Variants in RFX3 observed in about 807,000 individuals in gnomAD.
The protein encoded by RFX3 is regulatory factor X3, also known as transcription factor RFX3.
In RFX3, 14 loss-of-function variants were observed where a neutral mutation model predicts 98.6. That is an observed-to-expected ratio of 0.14 (90% confidence interval 0.09 to 0.22). The LOEUF (loss-of-function observed/expected upper bound fraction) is 0.22. Ranked by LOEUF, RFX3 falls within the 10% of genes least tolerant of loss-of-function variation. The probability of loss-of-function intolerance (pLI) is 1.00; values close to 1 mark genes in which losing one functional copy is unlikely to be tolerated. For missense variants in RFX3, 639 were observed against 926.9 expected (o/e 0.69, Z 4.03); for synonymous variants, 383 against 328.4 (o/e 1.17, Z -1.80).
intron 5 of RFX3, among the ~76,000 whole-genome samples, chr9:3,299,342 A>AAG (rs1303311176): frequency 6.6e-6 from 1 of 151,762 alleles, no homozygotes; most frequent in African/African-American, 2.4e-5. Flanking sequence ...AGGGAGGAAA[A>AAG]AGACAACAGG....
At chr9:3,236,232 T>G (rs1819137298) in intron 15 of RFX3, among the ~76,000 whole-genome samples, 1 of 152,204 alleles carries the variant, frequency 6.6e-6, no homozygotes, top group South Asian at 2.1e-4. Context: ...GGTCTGAAAG[T>G]GTTTACAGCA....
At chr9:3,390,908 T>C (rs1840247688) in intron 2 of RFX3, among the ~76,000 whole-genome samples, 1 of 152,188 alleles carries the variant, frequency 6.6e-6, no homozygotes, top group Admixed American at 6.5e-5. Context: ...TCTAGTATAT[T>C]AGGTTGGTGC....
intron 15 of RFX3, among the ~76,000 whole-genome samples, chr9:3,241,410 G>C (rs1819904679): frequency 6.6e-6 from 1 of 152,166 alleles, no homozygotes; most frequent in Admixed American, 6.5e-5. Flanking sequence ...AAGAGGATGA[G>C]AGGAGAGGTT....
At chr9:3,504,398 T>C (rs1053062560) in intron 1 of RFX3, among the ~76,000 whole-genome samples, 21 of 134,408 alleles carry the variant, frequency 1.6e-4, no homozygotes, top group South Asian at 7.4e-4. Flanking sequence ...GCATATATTG[T>C]ATATAAAATA....
chr9:3,286,075 A>C (rs1370580381), intron 7 of RFX3, among the ~76,000 whole-genome samples: 1 of 151,826 alleles, frequency 6.6e-6, no homozygotes, highest in African/African-American at 2.4e-5. Context: ...CTTAGGTATA[A>C]TTTATTAAGT....
At chr9:3,291,530 A>G (rs1369987026) in intron 6 of RFX3, among the ~76,000 whole-genome samples, 1 of 152,162 alleles carries the variant, frequency 6.6e-6, no homozygotes, top group East Asian at 1.9e-4. Context: ...GTTTCTCCAG[A>G]ACTATCCACT....
Position 3,485,656 on chromosome 9 carries a change from T to C in RFX3, c.-9+40091A>G, listed in dbSNP as rs1050403571. Reference sequence around the variant, plus strand: ...TCTGTCTATAATCCCAAATTTGAAATGAACTTGTAATTTTTATCTTAGTTT... The same window carrying C: ...TCTGTCTATAATCCCAAATTTGAAACGAACTTGTAATTTTTATCTTAGTTT... On this transcript the variant is annotated intron_variant, in intron 1 of 16. Coordinates refer to ENST00000617270, the MANE Select transcript of RFX3 (RefSeq NM_001282116.2). Among the ~76,000 whole-genome samples the C allele has an allele frequency of 2.6e-5, 4 of 152,258 alleles. No homozygotes were observed. In the East Asian group the frequency reaches 7.7e-4, roughly 29 times the overall value.
At chr9:3,300,126 G>A (rs1179944712) in intron 5 of RFX3, among the ~76,000 whole-genome samples, 2 of 151,252 alleles carry the variant, frequency 1.3e-5, no homozygotes, top group Non-Finnish European at 1.5e-5. Context: ...CAGCCTAGTA[G>A]TATACAGGAA....
intron 2 of RFX3, among the ~76,000 whole-genome samples, chr9:3,386,853 C>T (rs897448030): frequency 7.2e-5 from 11 of 151,802 alleles, no homozygotes; most frequent in Admixed American, 1.3e-4. Context: ...TCGGGGAATA[C>T]CTAATGAAAT....
Position 3,415,037 on chromosome 9 carries a change from T to C in RFX3, c.-8-19441A>G, listed in dbSNP as rs1361018349. ...ATATATATACTTATATATTTACTTT[T>C]ATATATATACTTATATATATACTCA... is the stretch of plus-strand genomic sequence containing the variant. On this transcript the variant is annotated intron_variant, in intron 1 of 16. Coordinates refer to ENST00000617270, the MANE Select transcript of RFX3 (RefSeq NM_001282116.2). Among the ~76,000 whole-genome samples the C allele has an allele frequency of 6.0e-3, 792 of 131,502 alleles. 6 individuals carry two copies. Among genetic ancestry groups the C allele is most frequent in the East Asian group, 0.02 (93 of 4,754 alleles). The allele number at this position is 131,502 out of a possible 152,430, so 86.3% of individuals were successfully genotyped here. A position where few individuals can be genotyped will look rare whatever the true frequency, so the allele number is the denominator to read the frequency against.
chr9:3,292,754 G>A (rs1219458752), intron 6 of RFX3, among the ~76,000 whole-genome samples: 1 of 152,124 alleles, frequency 6.6e-6, no homozygotes, highest in Non-Finnish European at 1.5e-5. Flanking sequence ...GTGCGTGTGT[G>A]TGTGTATGTG....
At chr9:3,434,222 T>G (rs1844915136) in intron 1 of RFX3, among the ~76,000 whole-genome samples, 1 of 152,114 alleles carries the variant, frequency 6.6e-6, no homozygotes, top group Admixed American at 6.6e-5. Flanking sequence ...CTGGCCTGAG[T>G]GCCTAGATCA....
chr9:3,291,305 G>A (rs941974100), intron 6 of RFX3, among the ~76,000 whole-genome samples: 22 of 152,172 alleles, frequency 1.4e-4, no homozygotes, highest in Non-Finnish European at 5.9e-5. Context: ...CCGGGGGGCA[G>A]AGGTTGCAGT....
At chr9:3,452,835 GCTAT>G (rs1587720972) in intron 1 of RFX3, among the ~76,000 whole-genome samples, 1 of 152,170 alleles carries the variant, frequency 6.6e-6, no homozygotes, top group Non-Finnish European at 1.5e-5. Context: ...CTTTGTATCT[GCTAT>G]CTGTGTATTA....
intron 1 of RFX3, among the ~76,000 whole-genome samples, chr9:3,509,078 T>C (rs1006323813): frequency 1.3e-5 from 2 of 151,690 alleles, no homozygotes; most frequent in African/African-American, 4.8e-5. Flanking sequence ...GTAAACAACA[T>C]AACCTTCCAA....
At chr9:3,262,593 G>C (rs913521893) in intron 13 of RFX3, among the ~76,000 whole-genome samples, 1 of 152,202 alleles carries the variant, frequency 6.6e-6, no homozygotes, top group Non-Finnish European at 1.5e-5. Context: ...GAGCAGTTAA[G>C]TAACGCAATT....
chr9:3,382,111 C>T (rs1036268407), intron 2 of RFX3, among the ~76,000 whole-genome samples: 2 of 152,118 alleles, frequency 1.3e-5, no homozygotes, highest in Admixed American at 6.6e-5. Context: ...CAGCTCACAG[C>T]AGTTTTAAAC....
At chr9:3,463,038 G>C (rs1847848866) in intron 1 of RFX3, among the ~76,000 whole-genome samples, 1 of 151,912 alleles carries the variant, frequency 6.6e-6, no homozygotes, top group Non-Finnish European at 1.5e-5. Context: ...ATCCCAGTAG[G>C]CTTTTAAAAA....
chr9:3,247,681 T>C (rs1820862926), intron 15 of RFX3: 2 of 1,467,692 alleles, frequency 1.4e-6, no homozygotes, highest in Non-Finnish European at 1.8e-6. Flanking sequence ...ATCCTTTCCA[T>C]TGTATTCCCA....
Sources: allele counts gnomAD v4.1 joint callset (sites outside exome capture counted in the v4.1 genomes callset), GRCh38; gene constraint gnomAD v4.1.1; transcripts MANE v1.5; gene names NCBI Gene and HGNC (gene_info 2026-07-23, HGNC 2026-07-21).